The following SP4 variants were observed in gnomAD, a reference collection of about 807,000 sequenced individuals.
SP4 encodes Sp4 transcription factor, also known as transcription factor Sp4.
A neutral mutation model predicts 72.8 loss-of-function variants in SP4; 19 were observed. The observed-to-expected ratio is 0.26, with a 90% CI of 0.18 to 0.38. The LOEUF (loss-of-function observed/expected upper bound fraction) is 0.38, where lower values mean the gene tolerates loss of function less well. SP4 is among the 10% of genes least tolerant of loss of function. SP4 has a pLI of 1.00. For synonymous variants in SP4, 395 were observed against 333.1 expected, an observed-to-expected ratio of 1.19 and a Z score of -2.02; for missense variants, 1,008 against 926.3, an observed-to-expected ratio of 1.09 and a Z score of -1.14.
At chr7:21,492,763 G>C (rs184347458) in intron 5 of SP4, among the ~76,000 whole-genome samples, 8 of 152,296 alleles carry the variant, frequency 5.3e-5, no homozygotes, top group African/African-American at 1.9e-4. Flanking sequence ...GGATCCAGCT[G>C]TATACTCTGG....
chr7:21,457,437 C>A (rs1484898380), intron 3 of SP4, among the ~76,000 whole-genome samples: 2 of 152,018 alleles, frequency 1.3e-5, no homozygotes, highest in East Asian at 3.9e-4. Flanking sequence ...GTGGTTGGTG[C>A]TTAATGAATA....
chr7:21,441,120 CA>C (rs1326908210), intron 3 of SP4, among the ~76,000 whole-genome samples: 2 of 152,094 alleles, frequency 1.3e-5, no homozygotes, highest in African/African-American at 4.8e-5. Flanking sequence ...GCTCAGAAGT[CA>C]GTGAGGTTAG....
At chr7:21,484,492 C>T (rs559358589) in intron 5 of SP4, among the ~76,000 whole-genome samples, 160 of 151,640 alleles carry the variant, frequency 1.1e-3, no homozygotes, top group African/African-American at 3.6e-3. Context: ...CGTCGCAATC[C>T]CTGAAAAAGT....
intron 3 of SP4, among the ~76,000 whole-genome samples, chr7:21,433,992 CT>C (rs1782962965): frequency 6.6e-6 from 1 of 152,036 alleles, no homozygotes; most frequent in Non-Finnish European, 1.5e-5. Context: ...ACACCAGGAA[CT>C]TTTCTGTCTT....
At chr7:21,457,979 C>A (rs73265631) in intron 3 of SP4, among the ~76,000 whole-genome samples, 82 of 152,096 alleles carry the variant, frequency 5.4e-4, no homozygotes, top group African/African-American at 2.0e-3. Context: ...AATTCATGGT[C>A]TTTTGGGGGT....
chr7:21,514,251 T>C lies in SP4; in HGVS notation c.*2982T>C, dbSNP rs1782213308. 6.6e-6 allele frequency: 1 copy of C among 152,576 alleles called. No homozygotes were observed. Among genetic ancestry groups the C allele is most frequent in the South Asian group, 2.1e-4 (1 of 4,834 alleles). 9.5% of individuals were successfully genotyped at this position (152,576 alleles called of 1,614,324 possible). The stretch of plus-strand genomic sequence containing the variant: ...GTGTAATCTAGGAGAAAAAGTTAAT[T>C]TGTCAAACTTAGATAAGCATGATGT... On this transcript the variant is annotated 3_prime_UTR_variant, in exon 6 of 6. Transcript: ENST00000222584.
chr7:21,457,435 T>C (rs1273643046), intron 3 of SP4, among the ~76,000 whole-genome samples: 1 of 152,224 alleles, frequency 6.6e-6, no homozygotes, highest in East Asian at 1.9e-4. Context: ...ATGTGGTTGG[T>C]GCTTAATGAA....
At chr7:21,451,017 T>C (rs1783578787) in intron 3 of SP4, among the ~76,000 whole-genome samples, 1 of 152,236 alleles carries the variant, frequency 6.6e-6, no homozygotes, top group African/African-American at 2.4e-5. Flanking sequence ...GGTGTGTTTC[T>C]GAGGTTGTGT....
intron 3 of SP4, among the ~76,000 whole-genome samples, chr7:21,445,443 C>T (rs1435250238): frequency 6.6e-6 from 1 of 152,136 alleles, no homozygotes; most frequent in Non-Finnish European, 1.5e-5. Context: ...GTAGCATTAG[C>T]TTAGTTGACA....
At chr7:21,468,063 T>A (rs958321954) in intron 3 of SP4, among the ~76,000 whole-genome samples, 1 of 152,122 alleles carries the variant, frequency 6.6e-6, no homozygotes, top group African/African-American at 2.4e-5. Flanking sequence ...TACTATTTAC[T>A]ATAAGAAAAA....
At chr7:21,445,913 T>A (rs956798402) in intron 3 of SP4, among the ~76,000 whole-genome samples, 2 of 152,080 alleles carry the variant, frequency 1.3e-5, no homozygotes, top group African/African-American at 4.8e-5. Flanking sequence ...ATTCACAATA[T>A]ACGAAAATAG....
intron 5 of SP4, among the ~76,000 whole-genome samples, chr7:21,508,196 C>T (rs1198015259): frequency 6.6e-6 from 1 of 152,164 alleles, no homozygotes; most frequent in African/African-American, 2.4e-5. Context: ...TGGAGTCCCA[C>T]TCCATGCAGG....
chr7:21,491,669 CG>C (rs1177291459), intron 5 of SP4, among the ~76,000 whole-genome samples: 3 of 151,986 alleles, frequency 2.0e-5, no homozygotes, highest in African/African-American at 7.3e-5. Flanking sequence ...CATTATATAC[CG>C]GGGAACAAAA....
chr7:21,473,983 A>G (rs144211549), intron 3 of SP4, among the ~76,000 whole-genome samples: 101 of 152,354 alleles, frequency 6.6e-4, no homozygotes, highest in African/African-American at 2.2e-3. Flanking sequence ...AAACATCTAG[A>G]TGAAGTCAAT....
intron 5 of SP4, among the ~76,000 whole-genome samples, chr7:21,506,931 C>T (rs1782013847): frequency 6.6e-6 from 1 of 152,242 alleles, no homozygotes; most frequent in South Asian, 2.1e-4. Flanking sequence ...TACATTTGGG[C>T]GCAGTCCCTG....
chr7:21,460,132 T>C (rs1306667627), intron 3 of SP4, among the ~76,000 whole-genome samples: 1 of 152,174 alleles, frequency 6.6e-6, no homozygotes, highest in Non-Finnish European at 1.5e-5. Context: ...AGGAAGGCAT[T>C]GTACAAAAGA....
At chr7:21,490,892 G>A (rs1239388991) in intron 5 of SP4, among the ~76,000 whole-genome samples, 1 of 152,190 alleles carries the variant, frequency 6.6e-6, no homozygotes, top group Non-Finnish European at 1.5e-5. Context: ...GGGCAAGATG[G>A]AACTTTTAGT....
intron 3 of SP4, among the ~76,000 whole-genome samples, chr7:21,471,799 A>C (rs1468181952): frequency 6.6e-6 from 1 of 152,158 alleles, no homozygotes; most frequent in African/African-American, 2.4e-5. Flanking sequence ...GTGCCGCTGT[A>C]CTCTAGCCTG....
chr7:21,439,453 C>T (rs1211785681), intron 3 of SP4, among the ~76,000 whole-genome samples: 1 of 151,778 alleles, frequency 6.6e-6, no homozygotes, highest in Non-Finnish European at 1.5e-5. Context: ...GGAATGTACA[C>T]TGTACCCATT....
Sources: allele counts gnomAD v4.1 joint callset (sites outside exome capture counted in the v4.1 genomes callset), GRCh38; gene constraint gnomAD v4.1.1; transcripts MANE v1.5; gene names NCBI Gene and HGNC (gene_info 2026-07-23, HGNC 2026-07-21).